SH3GLB2: variants seen among roughly 807,000 people sequenced by gnomAD.
SH3GLB2 encodes the protein endophilin-B2.
SH3GLB2 carries 24 observed loss-of-function variants against 48.0 expected under a neutral mutation model. The ratio of observed to expected loss-of-function variants is 0.50; its 90% CI spans 0.36 to 0.70. The LOEUF is 0.70. Ranked by LOEUF, SH3GLB2 falls within the 30% of genes least tolerant of loss-of-function variation. The probability of loss-of-function intolerance (pLI) is 0.00; values close to 1 mark genes in which losing one functional copy is unlikely to be tolerated. For synonymous variants in SH3GLB2, 227 were observed against 207.6 expected (o/e 1.09, Z -0.80); for missense variants, 425 against 516.0 (o/e 0.82, Z 1.71).
chr9:129,024,256 C>CAAAAAAAAAAAAA (rs1169096733), intron 1 of SH3GLB2, among the ~76,000 whole-genome samples: 1 of 54,520 alleles, frequency 1.8e-5, no homozygotes, highest in Non-Finnish European at 3.3e-5. Flanking sequence ...CTCCTCTCTA[C>CAAAAAAAAAAAAA]AAAAAAAAAA....
intron 5 of SH3GLB2, chr9:129,013,031 T>A (rs1843214410): frequency 6.4e-7 from 1 of 1,551,042 alleles, no homozygotes; most frequent in Non-Finnish European, 8.7e-7. Context: ...TGAGCCAAGT[T>A]ACCCAAAGCA....
At chr9:129,010,264 C>T in intron 7 of SH3GLB2, 55 bp from the exon 8 acceptor site, 1 of 1,483,998 alleles carries the variant, frequency 6.7e-7, no homozygotes, top group South Asian at 1.1e-5. Flanking sequence ...AGCTTCCCCG[C>T]AGTCTTCTCC....
rs769813169 is a variant in SH3GLB2 at position 129,022,240 on chromosome 9, C to T, written c.205+42G>A. 5.5e-5 allele frequency: 88 copies of T among 1,605,946 alleles called. 1 individual carries two copies. In the Admixed American group the frequency reaches 1.3e-3, roughly 23 times the overall value. On this transcript the variant is annotated intron_variant, in intron 2 of 10. Transcript: ENST00000372564. ...CCAGGCCTCCTACTGTATCCCTGCC[C>T]CACGACTACATCCCTCCCCGGGCCC...
intron 1 of SH3GLB2, among the ~76,000 whole-genome samples, chr9:129,022,996 G>C (rs1337743252): frequency 6.6e-6 from 1 of 152,176 alleles, no homozygotes; most frequent in Admixed American, 6.5e-5. Context: ...CTGCCTCTCT[G>C]AGCATTGGTT....
chr9:129,010,843 G>T, intron 6 of SH3GLB2, 150 bp from the exon 7 acceptor site: 1 of 950,018 alleles, frequency 1.1e-6, no homozygotes, highest in Non-Finnish European at 1.6e-6. Flanking sequence ...AGACTGGGCC[G>T]AGGCCCGGCA....
At chr9:129,009,033 T>C (rs1485968373) in intron 10 of SH3GLB2, 73 bp downstream of exon 10, 2 of 1,589,402 alleles carry the variant, frequency 1.3e-6, no homozygotes, top group African/African-American at 1.3e-5. Context: ...CCAGGCCCCA[T>C]GTGCCTGATC....
At chr9:129,020,577 A>T (rs1222959041) in intron 3 of SH3GLB2, among the ~76,000 whole-genome samples, 1 of 151,448 alleles carries the variant, frequency 6.6e-6, no homozygotes, top group Non-Finnish European at 1.5e-5. Context: ...TCTCAAAAAA[A>T]AAAAAATAGG....
chr9:129,013,180 C>T (rs1564577879), intron 5 of SH3GLB2: 8 of 716,958 alleles, frequency 1.1e-5, no homozygotes, highest in East Asian at 2.7e-5. Flanking sequence ...AGAGTCCTAA[C>T]GTGTGCGTGC....
intron 6 of SH3GLB2, 129 bp downstream of exon 6, chr9:129,012,107 G>T: frequency 1.9e-6 from 1 of 516,526 alleles, no homozygotes; most frequent in South Asian, 9.4e-5. Context: ...TCTCAGGACT[G>T]ACCTGATCAC....
chr9:129,013,140 G>C, intron 5 of SH3GLB2: 1 of 1,106,668 alleles, frequency 9.0e-7, no homozygotes, highest in African/African-American at 1.6e-5. Flanking sequence ...GCGGTCGGGC[G>C]GAGGGAGGCA....
At chr9:129,028,030 A>G in intron 1 of SH3GLB2, 62 bp downstream of exon 1, 1 of 1,449,506 alleles carries the variant, frequency 6.9e-7, no homozygotes, top group Non-Finnish European at 9.1e-7. Context: ...CGTCTGCCGC[A>G]GGGTGCTCCC....
At chr9:129,026,093 C>T (rs1055118615) in intron 1 of SH3GLB2, among the ~76,000 whole-genome samples, 3 of 152,140 alleles carry the variant, frequency 2.0e-5, no homozygotes, top group African/African-American at 7.2e-5. Flanking sequence ...ATGAGCCCCT[C>T]CCTACTTTCT....
chr9:129,014,280 C>T lies in SH3GLB2; in HGVS notation c.561+131G>A. 1 of 851,070 alleles carries T rather than the reference C, an allele frequency of 1.2e-6. No homozygotes were observed. Among genetic ancestry groups the T allele is most frequent in the Non-Finnish European group, 1.8e-6 (1 of 542,346 alleles). The allele number at this position is 851,070 out of a possible 1,614,324, so 52.7% of individuals were successfully genotyped here. Reference sequence around the variant, plus strand: ...GGACAGAGAGGCTCAGCCCAGCAGCCCCCAGCCAGGCATCTCCAGCCAGGG... The same window carrying T: ...GGACAGAGAGGCTCAGCCCAGCAGCTCCCAGCCAGGCATCTCCAGCCAGGG... On this transcript the variant is annotated intron_variant, in intron 5 of 10. Transcript: ENST00000372564. This position sits in a 1 kb window ranked among gnomAD's most constrained non-coding sequence, Gnocchi z 4.1.
rs138823548 is a variant in SH3GLB2, at chr9:129,007,063, A to G, written c.*1621T>C. On this transcript the variant is annotated 3_prime_UTR_variant, in exon 11 of 11. Transcript: ENST00000372564. ...TGCAGTTTTGGTAATTCTGTGGTCT[A>G]TTTATACAGATATTAAAATCTTGTT... The G allele has an allele frequency of 7.6e-5, 13 of 171,676 alleles. No individual in the cohort carries two copies. The highest frequency in any genetic ancestry group is 4.3e-4 in the Admixed American group (7 of 16,186). The allele number at this position is 171,676 out of a possible 1,614,324, so 10.6% of individuals were successfully genotyped here. A position where few individuals can be genotyped will look rare whatever the true frequency, so the allele number is the denominator to read the frequency against.
In SH3GLB2 at chr9:129,028,117, C is replaced by T. The variant is rs1471697959; in HGVS notation, c.38G>A (p.Gly13Asp). 1 of 1,498,948 alleles carries T rather than the reference C, an allele frequency of 6.7e-7. No homozygotes were observed. The allele number at this position is 1,498,948 out of a possible 1,614,324, so 92.9% of individuals were successfully genotyped here. A position where few individuals can be genotyped will look rare whatever the true frequency, so the allele number is the denominator to read the frequency against. The change falls in exon 1 of 11, where the codon GGC (glycine) becomes GAC (aspartate). Residue 13 changes from glycine to aspartate, a missense_variant. Transcript: ENST00000372564. ...FNMKKLASDA[G>D]IFFTRAVQFT... Reference sequence around the variant, plus strand: ...CTGCACCGCCCGGGTGAAGAAGATGCCCGCGTCCGACGCCAGCTTCTTCAT... The same window carrying T: ...CTGCACCGCCCGGGTGAAGAAGATGTCCGCGTCCGACGCCAGCTTCTTCAT...
chr9:129,009,062 C>T, intron 10 of SH3GLB2, 44 bp downstream of exon 10: 1 of 1,601,000 alleles, frequency 6.2e-7, no homozygotes, highest in Non-Finnish European at 8.5e-7. Context: ...CAGGCTGCTC[C>T]TCACCCAGCC....
intron 8 of SH3GLB2, 61 bp from the exon 9 acceptor site, chr9:129,009,932 T>C (rs572452291): frequency 3.5e-5 from 53 of 1,511,314 alleles, no homozygotes; most frequent in Admixed American, 7.3e-5. Context: ...AAAAATTCCG[T>C]CCCCATCCCC....
chr9:129,008,394 C>T lies in SH3GLB2; in HGVS notation c.*290G>A. ...CCCACCCTGGCCTAGGTGCTGAGTGCAGCTGCTGCAGACAGCCCCTCCCTC... is the reference window on the plus strand; with the variant it reads ...CCCACCCTGGCCTAGGTGCTGAGTGTAGCTGCTGCAGACAGCCCCTCCCTC... On this transcript the variant is annotated 3_prime_UTR_variant, in exon 11 of 11. Coordinates refer to ENST00000372564, the MANE Select transcript of SH3GLB2 (RefSeq NM_020145.4). The T allele has an allele frequency of 2.6e-6, 1 of 387,982 alleles. No homozygotes were observed. The highest frequency in any genetic ancestry group is 5.8e-5 in the East Asian group (1 of 17,206). 24.0% of individuals were successfully genotyped at this position (387,982 alleles called of 1,614,324 possible). A position where few individuals can be genotyped will look rare whatever the true frequency, so the allele number is the denominator to read the frequency against.
intron 1 of SH3GLB2, among the ~76,000 whole-genome samples, chr9:129,026,119 G>A (rs894082182): frequency 6.6e-6 from 1 of 152,052 alleles, no homozygotes; most frequent in Non-Finnish European, 1.5e-5. Flanking sequence ...CAGTTCAGGG[G>A]CCCTCCATGC....
Sources: allele counts gnomAD v4.1 joint callset (sites outside exome capture counted in the v4.1 genomes callset), GRCh38; gene constraint gnomAD v4.1.1; non-coding constraint Gnocchi (gnomAD v3.1); transcripts MANE v1.5; gene names NCBI Gene and HGNC (gene_info 2026-07-23, HGNC 2026-07-21).